LCA5L: variants seen among roughly 807,000 people sequenced by gnomAD.
LCA5L encodes lebercilin LCA5 like.
Under a neutral mutation model 45.4 loss-of-function variants are expected in LCA5L, and 35 were observed. That is an observed-to-expected ratio of 0.77 (90% CI 0.59 to 1.02). LCA5L has a LOEUF of 1.02. LCA5L is among the 50% of genes least tolerant of loss of function. The pLI, the probability that LCA5L is intolerant of heterozygous loss-of-function variation, is 0.00. For missense variants in LCA5L, 668 were observed against 761.6 expected (o/e 0.88, Z 1.45); for synonymous variants, 233 against 264.7 (o/e 0.88, Z 1.16).
At chr21:39,420,428 TAAG>T (rs1180738057) in intron 7 of LCA5L, among the ~76,000 whole-genome samples, 1 of 138,338 alleles carries the variant, frequency 7.2e-6, no homozygotes, top group Non-Finnish European at 1.5e-5. Flanking sequence ...GAGGTTGAGA[TAAG>T]AGAATCACTT....
chr21:39,430,016 AAAC>A (rs2075506815), intron 3 of LCA5L, among the ~76,000 whole-genome samples: 1 of 134,428 alleles, frequency 7.4e-6, no homozygotes, highest in African/African-American at 3.3e-5. Flanking sequence ...TCTGTCTCAA[AAAC>A]AAACAAACAA....
chr21:39,406,609 A>C lies in LCA5L; in HGVS notation c.1286T>G (p.Leu429Ter). Residue 429 changes from leucine to a stop codon, truncating the protein, a stop_gained, in exon 11 of 11, where the codon TTA becomes TGA. Transcript: ENST00000288350. LOFTEE classifies it low-confidence loss of function (END_TRUNC). ...QEDSKRKYED[L>*]SGEEKHLEVQ... The stretch of plus-strand genomic sequence containing the variant: ...TTCCAAATGTTTCTCTTCCCCTGAT[A>C]AATCTATATTAGAAAAATAGGCAAT... 6.4e-7 allele frequency: 1 copy of C among 1,569,042 alleles called. No homozygotes were observed. The highest frequency in any genetic ancestry group is 8.6e-7 in the Non-Finnish European group (1 of 1,162,380).
chr21:39,441,702 T>C (rs2076877734), intron 2 of LCA5L, among the ~76,000 whole-genome samples: 1 of 152,176 alleles, frequency 6.6e-6, no homozygotes, highest in Non-Finnish European at 1.5e-5. Context: ...TTCCACCAAG[T>C]GGTGGCAAGT....
chr21:39,423,980 A>C (rs1569102275), intron 5 of LCA5L, among the ~76,000 whole-genome samples: 1 of 152,044 alleles, frequency 6.6e-6, no homozygotes, highest in Non-Finnish European at 1.5e-5. Flanking sequence ...CAGAGTTAAG[A>C]TCCCATCTCT....
rs1328564387 is a variant in LCA5L, at chr21:39,428,226, C to T, written c.268G>A (p.Val90Ile). 6.2e-7 allele frequency: 1 copy of T among 1,602,988 alleles called. No individual in the cohort carries two copies. The highest frequency in any genetic ancestry group is 1.7e-5 in the Admixed American group (1 of 59,642). ...TACTTTTTCTTCTCCTTTTCTTTTA[C>T]CACAGGCTGCTTTAAATAATTTCTA... is the stretch of plus-strand genomic sequence containing the variant. ...INRNYLKQPV[V>I]KEKEKKKYNV... Residue 90 changes from valine (V) to isoleucine (I), a missense_variant, in exon 5 of 11, where the codon GTA becomes ATA. Transcript: ENST00000288350.
intron 2 of LCA5L, among the ~76,000 whole-genome samples, chr21:39,436,423 T>A (rs916470469): frequency 3.9e-5 from 6 of 152,216 alleles, no homozygotes; most frequent in Non-Finnish European, 5.9e-5. Context: ...TTCATAAGGA[T>A]AATTTAATTC....
intron 7 of LCA5L, among the ~76,000 whole-genome samples, chr21:39,416,500 AG>A (rs2041184613): frequency 6.6e-6 from 1 of 152,128 alleles, no homozygotes; most frequent in African/African-American, 2.4e-5. Flanking sequence ...GAATTTTTTT[AG>A]GGAGCCTTGG....
intron 3 of LCA5L, among the ~76,000 whole-genome samples, chr21:39,432,399 A>T (rs569759760): frequency 6.6e-6 from 1 of 152,358 alleles, no homozygotes; most frequent in South Asian, 2.1e-4. Flanking sequence ...ACATTTTAAA[A>T]TGAAGATTTT....
chr21:39,428,536 AT>A (rs1284185758), intron 4 of LCA5L, 33 bp from the exon 5 acceptor site: 1 of 1,116,048 alleles, frequency 9.0e-7, no homozygotes, highest in East Asian at 2.7e-5. Flanking sequence ...TAATAAAAGT[AT>A]TTTTGAATTT....
chr21:39,428,336 C>T lies in LCA5L; in HGVS notation c.158G>A (p.Arg53Lys). The change falls in exon 5 of 11, where the codon AGA (arginine) becomes AAA (lysine). Residue 53 changes from arginine (R) to lysine (K), a missense_variant. By Grantham distance (26) the Arg-to-Lys change is conservative. Transcript: ENST00000288350. ...NASNKSVDYS[R>K]SQCSCGSLSS... Reference sequence around the variant, plus strand: ...TAAACTTCCACAGGAGCACTGAGATCTGCTATAATCAACACTCTTATTGGA... The same window carrying T: ...TAAACTTCCACAGGAGCACTGAGATTTGCTATAATCAACACTCTTATTGGA... The T allele has an allele frequency of 1.2e-6, 2 of 1,613,630 alleles. No homozygotes were observed. Among genetic ancestry groups the T allele is most frequent in the South Asian group, 1.1e-5 (1 of 91,068 alleles).
intron 6 of LCA5L, chr21:39,422,540 A>G (rs772047472): frequency 4.6e-5 from 9 of 195,796 alleles, no homozygotes; most frequent in Non-Finnish European, 7.2e-5. Context: ...GAGGGAGAAT[A>G]CAAAGGCCCT....
At chr21:39,433,927 C>CTTTTTTT (rs10574659) in intron 3 of LCA5L, among the ~76,000 whole-genome samples, 1 of 95,826 alleles carries the variant, frequency 1.0e-5, no homozygotes, top group Non-Finnish European at 2.0e-5. Flanking sequence ...CCACATCCAG[C>CTTTTTTT]TTTTTTTTTT....
chr21:39,427,539 G>A (rs1414063108), intron 5 of LCA5L, among the ~76,000 whole-genome samples: 5 of 152,088 alleles, frequency 3.3e-5, no homozygotes, highest in African/African-American at 1.2e-4. Context: ...GTGGGTGCCT[G>A]TAGTCCCAGC....
intron 5 of LCA5L, 126 bp from the exon 6 acceptor site, chr21:39,423,616 G>T: frequency 1.3e-6 from 1 of 741,024 alleles, no homozygotes; most frequent in Non-Finnish European, 2.0e-6. Context: ...AAGCGTAAGT[G>T]TAACTAGAAG....
chr21:39,417,968 G>C (rs202048687), intron 7 of LCA5L, among the ~76,000 whole-genome samples: 1 of 152,056 alleles, frequency 6.6e-6, no homozygotes, highest in South Asian at 2.1e-4. Flanking sequence ...GGGTTTCGCC[G>C]TGTTTGCCAG....
intron 3 of LCA5L, among the ~76,000 whole-genome samples, chr21:39,433,765 C>CTTT (rs10574657): frequency 1.5e-5 from 2 of 136,660 alleles, no homozygotes; most frequent in South Asian, 2.3e-4. Flanking sequence ...GTTACTGTAG[C>CTTT]TTTTTTTTTT....
In LCA5L at chr21:39,423,034, A is replaced by C. The variant is rs1477835005; in HGVS notation, c.779T>G (p.Leu260Arg). ...TGTGATAATAGATAATTTATGAGTG[A>C]GTTCTTCCCTTTCTGCAAGGTTTTT... ...EDKNLAEREELTHKLSIITTK... is the reference protein window; with the variant it reads ...EDKNLAEREERTHKLSIITTK... The change falls in exon 6 of 11, where the codon CTC becomes CGC. Residue 260 changes from leucine (L) to arginine (R), a missense_variant. Physicochemically the swap from Leu to Arg is moderately radical, Grantham distance 102. Coordinates refer to ENST00000288350, the MANE Select transcript of LCA5L (RefSeq NM_152505.4). 6.2e-7 allele frequency: 1 copy of C among 1,614,004 alleles called. No individual in the cohort carries two copies. The highest frequency in any genetic ancestry group is 8.5e-7 in the Non-Finnish European group (1 of 1,179,958).
chr21:39,405,831 C>A lies in LCA5L; in HGVS notation c.*51G>T. 1 of 1,337,600 alleles carries A rather than the reference C, an allele frequency of 7.5e-7. No individual in the cohort carries two copies. Among genetic ancestry groups the A allele is most frequent in the Admixed American group, 2.4e-5 (1 of 41,772 alleles). The allele number at this position is 1,337,600 out of a possible 1,614,324, so 82.9% of individuals were successfully genotyped here. A position where few individuals can be genotyped will look rare whatever the true frequency, so the allele number is the denominator to read the frequency against. ...CACATTTCAAAAATAAGATGCAAGG[C>A]ACATAAGCAGCATTATATCAAACCA... On this transcript the variant is annotated 3_prime_UTR_variant, in exon 11 of 11. Transcript: ENST00000288350.
intron 7 of LCA5L, among the ~76,000 whole-genome samples, chr21:39,412,750 G>T (rs1403418095): frequency 1.3e-5 from 2 of 152,194 alleles, no homozygotes; most frequent in Non-Finnish European, 2.9e-5. Context: ...AGAGGCCTTG[G>T]CGTGGTCCAG....
Sources: gnomAD v4.1 joint callset for allele counts (sites outside exome capture counted in the v4.1 genomes callset) on GRCh38, gnomAD v4.1.1 for gene constraint, MANE v1.5 for transcripts, NCBI Gene and HGNC (gene_info 2026-07-23, HGNC 2026-07-21) for gene names.